MEI4: variants seen among roughly 807,000 people sequenced by gnomAD.
The protein encoded by MEI4 is meiotic double-stranded break formation protein 4.
Under a neutral mutation model 31.4 loss-of-function variants are expected in MEI4, and 27 were observed. The observed-to-expected ratio is 0.86, with a 90% confidence interval of 0.63 to 1.19. The LOEUF (loss-of-function observed/expected upper bound fraction) is 1.19. Among genes scored for constraint, MEI4 ranks in the 50% most tolerant of loss-of-function variants. MEI4 has a pLI of 0.00. For missense variants in MEI4, 329 were observed against 398.9 expected (o/e 0.82, Z 1.49); for synonymous variants, 122 against 145.4 (o/e 0.84, Z 1.16).
intron 4 of MEI4, among the ~76,000 whole-genome samples, chr6:77,854,463 A>G (rs1431796388): frequency 6.6e-6 from 1 of 151,138 alleles, no homozygotes; most frequent in Non-Finnish European, 1.5e-5. Flanking sequence ...GATTATCTAA[A>G]TTTCCATGGT....
At chr6:77,797,938 C>T (rs988727483) in intron 3 of MEI4, among the ~76,000 whole-genome samples, 1 of 152,108 alleles carries the variant, frequency 6.6e-6, no homozygotes, top group African/African-American at 2.4e-5. Context: ...CTAGTATTAA[C>T]CATCACACTT....
chr6:77,779,273 A>G (rs1344538776), intron 3 of MEI4, among the ~76,000 whole-genome samples: 4 of 152,210 alleles, frequency 2.6e-5, no homozygotes, highest in Non-Finnish European at 4.4e-5. Flanking sequence ...CACAAAGAAG[A>G]GTATAGTCAG....
At chr6:77,901,432 G>A (rs1340305841) in intron 4 of MEI4, among the ~76,000 whole-genome samples, 1 of 151,956 alleles carries the variant, frequency 6.6e-6, no homozygotes, top group Admixed American at 6.6e-5. Context: ...ATACCTCATT[G>A]TGGTTTTAAT....
chr6:77,800,328 T>G (rs1284404431), intron 3 of MEI4, among the ~76,000 whole-genome samples: 132 of 150,652 alleles, frequency 8.8e-4, no homozygotes, highest in African/African-American at 1.9e-3. Flanking sequence ...ATGCTTGTGA[T>G]TTTTGCACAT....
chr6:77,686,450 T>A (rs775227811), intron 1 of MEI4, among the ~76,000 whole-genome samples: 22 of 152,084 alleles, frequency 1.4e-4, no homozygotes, highest in African/African-American at 4.8e-4. Context: ...TTTAAATGTA[T>A]CACTATATTA....
At chr6:77,766,568 C>T (rs1366099252) in intron 3 of MEI4, among the ~76,000 whole-genome samples, 1 of 152,096 alleles carries the variant, frequency 6.6e-6, no homozygotes, top group African/African-American at 2.4e-5. Context: ...TGCCTGCCAC[C>T]ACACCCGGCT....
At chr6:77,675,681 A>G (rs1264204789) in intron 1 of MEI4, among the ~76,000 whole-genome samples, 2 of 152,076 alleles carry the variant, frequency 1.3e-5, no homozygotes, top group Non-Finnish European at 2.9e-5. Flanking sequence ...TCTCAATACT[A>G]TCATCTGTAA....
intron 2 of MEI4, among the ~76,000 whole-genome samples, chr6:77,702,495 T>C (rs1766247484): frequency 6.6e-6 from 1 of 152,224 alleles, no homozygotes; most frequent in Non-Finnish European, 1.5e-5. Flanking sequence ...CTTAATTTGA[T>C]AGAGATTCTG....
rs149370120 is a variant in MEI4 at position 77,697,721 on chromosome 6, T to G, written c.232+6818T>G. Among the ~76,000 whole-genome samples the G allele has an allele frequency of 5.9e-3, 897 of 152,194 alleles. 12 individuals carry two copies. Among genetic ancestry groups the G allele is most frequent in the African/African-American group, 0.021 (862 of 41,478 alleles). ...CAATTTTGGAACAGGTGTGGTGTGG[T>G]GCTGAAAAAAGTATATATTCTGTTG... On this transcript the variant is annotated intron_variant, in intron 2 of 4. Transcript: ENST00000684080.
At chr6:77,727,982 A>G (rs1445485375) in intron 2 of MEI4, among the ~76,000 whole-genome samples, 1 of 152,240 alleles carries the variant, frequency 6.6e-6, no homozygotes, top group Non-Finnish European at 1.5e-5. Flanking sequence ...ACATACAGGC[A>G]GAGACTGTAA....
chr6:77,750,708 C>G (rs555315023), intron 2 of MEI4, among the ~76,000 whole-genome samples: 1 of 152,170 alleles, frequency 6.6e-6, no homozygotes, highest in East Asian at 1.9e-4. Flanking sequence ...TTGGACAGAT[C>G]AATGAGACAA....
intron 3 of MEI4, among the ~76,000 whole-genome samples, chr6:77,762,085 A>G (rs1345135531): frequency 6.6e-6 from 1 of 152,080 alleles, no homozygotes; most frequent in Non-Finnish European, 1.5e-5. Context: ...TCTGTACTGT[A>G]TTGAATTTGC....
intron 2 of MEI4, among the ~76,000 whole-genome samples, chr6:77,748,433 C>G (rs756719940): frequency 3.3e-5 from 5 of 152,226 alleles, no homozygotes; most frequent in African/African-American, 4.8e-5. Context: ...CCAAGCTTTA[C>G]TGTGGCCCCT....
chr6:77,778,715 A>T lies in MEI4; in HGVS notation c.768+17050A>T, dbSNP rs1251562081. ...ACCTGAGACCCTGTCTCAAATAAAT[A>T]AATAAATAAATAAATAAATAAATAA... On this transcript the variant is annotated intron_variant, in intron 3 of 4. Transcript: ENST00000684080. Among the ~76,000 whole-genome samples, 3 of 105,190 alleles carry T rather than the reference A, an allele frequency of 2.9e-5. No homozygotes were observed. The East Asian group carries it at 6.2e-4, about 22-fold the overall frequency. 69.0% of individuals were successfully genotyped at this position (105,190 alleles called of 152,430 possible).
In MEI4 at chr6:77,799,703, T is replaced by C. The variant is rs1382304269; in HGVS notation, c.769-29228T>C. Among the ~76,000 whole-genome samples, 8 of 152,202 alleles carry C rather than the reference T, an allele frequency of 5.3e-5. No individual in the cohort carries two copies. In the East Asian group the frequency reaches 1.5e-3, roughly 29 times the overall value. ...TAAGGAAGGGATCCAGTTTCAGCTA[T>C]CTACATATGGCTAGCCAGTTTTCCC... On this transcript the variant is annotated intron_variant, in intron 3 of 4. Coordinates refer to ENST00000684080, the MANE Select transcript of MEI4 (RefSeq NM_001322247.2).
intron 1 of MEI4, among the ~76,000 whole-genome samples, chr6:77,668,198 G>C (rs1192573771): frequency 6.6e-6 from 1 of 152,132 alleles, no homozygotes; most frequent in Non-Finnish European, 1.5e-5. Flanking sequence ...TCAATATTAT[G>C]ATGTTATGAG....
chr6:77,891,376 G>A (rs1191206488), intron 4 of MEI4, among the ~76,000 whole-genome samples: 2 of 151,730 alleles, frequency 1.3e-5, no homozygotes, highest in East Asian at 1.9e-4. Flanking sequence ...CAAGTTCAAC[G>A]ATTATTTTGC....
chr6:77,727,165 A>T (rs1464116633), intron 2 of MEI4, among the ~76,000 whole-genome samples: 1 of 152,204 alleles, frequency 6.6e-6, no homozygotes, highest in Non-Finnish European at 1.5e-5. Flanking sequence ...AGTGAAGGTC[A>T]GAACAGAGTC....
intron 3 of MEI4, among the ~76,000 whole-genome samples, chr6:77,766,118 A>T (rs1397714733): frequency 6.6e-6 from 1 of 152,234 alleles, no homozygotes; most frequent in Admixed American, 6.5e-5. Context: ...TATTTTCCAC[A>T]GCTACAGCTT....
Sources: gnomAD v4.1 joint callset for allele counts (sites outside exome capture counted in the v4.1 genomes callset) on GRCh38, gnomAD v4.1.1 for gene constraint, MANE v1.5 for transcripts, NCBI Gene and HGNC (gene_info 2026-07-23, HGNC 2026-07-21) for gene names.